ANKFN1: variants seen among roughly 807,000 people sequenced by gnomAD.
ANKFN1 encodes ankyrin repeat and fibronectin type III domain containing 1, also known as ankyrin repeat and fibronectin type-III domain-containing protein 1.
ANKFN1 carries 74 observed loss-of-function variants against 108.7 expected under a neutral mutation model. The observed-to-expected ratio is 0.68, with a 90% confidence interval of 0.56 to 0.83. ANKFN1 has a LOEUF of 0.83. Among genes scored for constraint, ANKFN1 ranks in the 40% least tolerant of loss-of-function variants. ANKFN1 has a pLI of 0.00. For missense variants in ANKFN1, 1,505 were observed against 1,382.3 expected (o/e 1.09, Z -1.41); for synonymous variants, 547 against 516.2 (o/e 1.06, Z -0.81).
intron 14 of ANKFN1, among the ~76,000 whole-genome samples, chr17:56,459,318 C>G (rs1465139044): frequency 6.6e-6 from 1 of 152,092 alleles, no homozygotes; most frequent in Admixed American, 6.5e-5. Context: ...ACCGTGTAGG[C>G]CAGGCTGGTC....
At chr17:56,390,160 A>G (rs1352767440) in intron 8 of ANKFN1, among the ~76,000 whole-genome samples, 2 of 151,452 alleles carry the variant, frequency 1.3e-5, no homozygotes, top group Non-Finnish European at 3.0e-5. Flanking sequence ...TAAGCCCCAC[A>G]TGCATTACGT....
intron 11 of ANKFN1, among the ~76,000 whole-genome samples, chr17:56,451,160 T>C (rs115925848): frequency 0.018 from 2,718 of 152,340 alleles, 52 homozygotes; most frequent in East Asian, 0.092. Flanking sequence ...TGTTGAATTC[T>C]ACATCTTCTC....
rs1490933767 is a variant in ANKFN1 at position 56,098,859 on chromosome 17, GCGTGTGTGCA to G, written c.288+52535_288+52544del. 6.1e-5 allele frequency among the ~76,000 whole-genome samples: 7 copies of G among 115,578 alleles called. No homozygotes were observed. The East Asian group carries it at 2.0e-3, about 33-fold the overall frequency. 75.8% of individuals were successfully genotyped at this position (115,578 alleles called of 152,430 possible). ...CTAGAAGTCAGAGGGGTGTGTGTGT[GCGTGTGTGCA>G]TGTGTGTGTGTGTGTTGGGTGCTAG... On this transcript the variant is annotated intron_variant, in intron 4 of 12. Coordinates refer to the ANKFN1 transcript ENST00000635860.
intron 4 of ANKFN1, among the ~76,000 whole-genome samples, chr17:56,107,959 T>C (rs1410067550): frequency 6.6e-6 from 1 of 152,220 alleles, no homozygotes; most frequent in Non-Finnish European, 1.5e-5. Flanking sequence ...CCTCCCAGGT[T>C]CAAGTGATTC....
At chr17:56,491,390 G>A (rs1446185600) in intron 18 of ANKFN1, among the ~76,000 whole-genome samples, 2 of 152,038 alleles carry the variant, frequency 1.3e-5, no homozygotes, top group African/African-American at 4.8e-5. Flanking sequence ...CCAAAGTTAC[G>A]GTATAAGATC....
At chr17:56,457,196 C>CA (rs2049735812) in intron 12 of ANKFN1, 61 bp from the exon 13 acceptor site, 3 of 1,465,434 alleles carry the variant, frequency 2.0e-6, no homozygotes, top group South Asian at 1.4e-5. Flanking sequence ...TTATCACATC[C>CA]AAAAAAATAT....
intron 6 of ANKFN1, among the ~76,000 whole-genome samples, chr17:56,354,633 T>C (rs1223046891): frequency 1.3e-5 from 2 of 152,156 alleles, no homozygotes; most frequent in African/African-American, 2.4e-5. Context: ...TGTAGATTGA[T>C]AGGGAAGGGA....
intron 3 of ANKFN1, among the ~76,000 whole-genome samples, chr17:56,243,793 G>A (rs1373473677): frequency 2.6e-5 from 4 of 152,012 alleles, no homozygotes; most frequent in African/African-American, 9.7e-5. Flanking sequence ...ATACAGGCAT[G>A]CATTTTAAAT....
chr17:56,418,413 G>A (rs2048303440), intron 8 of ANKFN1, among the ~76,000 whole-genome samples: 1 of 152,060 alleles, frequency 6.6e-6, no homozygotes, highest in South Asian at 2.1e-4. Context: ...AAGCCCCTTT[G>A]TTTTAAAACA....
chr17:56,482,790 C>G, intron 18 of ANKFN1: 1 of 342,680 alleles, frequency 2.9e-6, no homozygotes, highest in Non-Finnish European at 5.2e-6. Context: ...GGCTGGACTT[C>G]TTGCCTCCCT....
rs1474359161 is a variant in ANKFN1 at position 56,072,306 on chromosome 17, CTCT to C, written c.288+25983_288+25985del. On this transcript the variant is annotated intron_variant, in intron 4 of 12. Coordinates refer to the ANKFN1 transcript ENST00000635860. Reference sequence around the variant, plus strand: ...GTCTTTCATTCATTTCCTTTTTTAACTCTTATTGATATGTAGTGTACGTATAAG... The same window carrying C: ...GTCTTTCATTCATTTCCTTTTTTAACTATTGATATGTAGTGTACGTATAAG... Among the ~76,000 whole-genome samples the C allele has an allele frequency of 5.9e-5, 9 of 151,952 alleles. 2 individuals carry two copies. The Middle Eastern group carries it at 0.016, about 267-fold the overall frequency.
chr17:56,079,328 C>T (rs1404486268), intron 4 of ANKFN1, among the ~76,000 whole-genome samples: 4 of 152,136 alleles, frequency 2.6e-5, no homozygotes, highest in Non-Finnish European at 5.9e-5. Context: ...TCTGCCTCCC[C>T]ACCATACTGG....
At chr17:56,468,416 T>C (rs561780389) in intron 15 of ANKFN1, among the ~76,000 whole-genome samples, 17 of 152,048 alleles carry the variant, frequency 1.1e-4, no homozygotes, top group African/African-American at 3.9e-4. Flanking sequence ...GTTTCTTTTT[T>C]TCTTTCTCTG....
At chr17:56,384,500 T>C (rs1392553156) in intron 8 of ANKFN1, among the ~76,000 whole-genome samples, 1 of 152,160 alleles carries the variant, frequency 6.6e-6, no homozygotes, top group Non-Finnish European at 1.5e-5. Flanking sequence ...GAGAAGGAAA[T>C]AAAGGGTATT....
chr17:56,413,194 G>A (rs1401665730), intron 8 of ANKFN1, among the ~76,000 whole-genome samples: 1 of 152,104 alleles, frequency 6.6e-6, no homozygotes, highest in Non-Finnish European at 1.5e-5. Context: ...AATTGTGAAT[G>A]GGAGTAGTTT....
intron 20 of ANKFN1, among the ~76,000 whole-genome samples, chr17:56,504,398 T>A (rs572256713): frequency 6.6e-6 from 1 of 152,276 alleles, no homozygotes; most frequent in South Asian, 2.1e-4. Flanking sequence ...TCTCATGTTC[T>A]GGGAGCTACA....
intron 1 of ANKFN1, 172 bp downstream of exon 1, chr17:56,153,702 G>A: frequency 1.2e-6 from 1 of 863,594 alleles, no homozygotes. Flanking sequence ...ACAGGCAAAT[G>A]TTGATCTGAA....
chr17:56,366,057 A>T (rs1390666244), intron 6 of ANKFN1, among the ~76,000 whole-genome samples: 1 of 152,180 alleles, frequency 6.6e-6, no homozygotes, highest in Admixed American at 6.5e-5. Context: ...TTCCAGTGGG[A>T]TAAGATGTTG....
chr17:56,348,123 A>G (rs2046153848), intron 4 of ANKFN1, among the ~76,000 whole-genome samples: 1 of 152,124 alleles, frequency 6.6e-6, no homozygotes, highest in Non-Finnish European at 1.5e-5. Flanking sequence ...GAAAAAAATA[A>G]GTTAGAGAAA....
Sources: gnomAD v4.1 joint callset for allele counts (sites outside exome capture counted in the v4.1 genomes callset) on GRCh38, gnomAD v4.1.1 for gene constraint, MANE v1.5 for transcripts, NCBI Gene and HGNC (gene_info 2026-07-23, HGNC 2026-07-21) for gene names.